Variants in TRDN observed in about 807,000 individuals in gnomAD.
TRDN encodes triadin.
Under a neutral mutation model 149.7 loss-of-function variants are expected in TRDN, and 161 were observed. The observed-to-expected ratio is 1.08, with a 90% CI of 0.95 to 1.23. TRDN has a LOEUF of 1.23. TRDN is among the 50% of genes most tolerant of loss of function. The probability of loss-of-function intolerance (pLI) is 0.00; values close to 1 mark genes in which losing one functional copy is unlikely to be tolerated. For synonymous variants in TRDN, 294 were observed against 250.5 expected (o/e 1.17, Z -1.64); for missense variants, 896 against 823.5 (o/e 1.09, Z -1.08).
At chr6:123,581,318 T>C (rs991475526) in intron 1 of TRDN, among the ~76,000 whole-genome samples, 1 of 152,212 alleles carries the variant, frequency 6.6e-6, no homozygotes, top group Admixed American at 6.5e-5. Flanking sequence ...TGTAATACCA[T>C]AGCATTTTTT....
At position 123,229,890 on chromosome 6, in the gene TRDN, G is replaced by T. The variant is rs77952237; in HGVS notation, c.1976-5759C>A. On this transcript the variant is annotated intron_variant, in intron 38 of 40. Coordinates refer to ENST00000334268, the MANE Select transcript of TRDN (RefSeq NM_006073.4). Reference sequence around the variant, plus strand: ...GAATTCGCAAATTTTATACTAAAATGCAGATTTCTCATTCTCAGCAAGCAA... The same window carrying T: ...GAATTCGCAAATTTTATACTAAAATTCAGATTTCTCATTCTCAGCAAGCAA... Among the ~76,000 whole-genome samples, 467 of 152,012 alleles carry T rather than the reference G, an allele frequency of 3.1e-3. 18 individuals carry two copies. The East Asian group carries it at 0.075, about 24-fold the overall frequency.
Position 123,350,298 on chromosome 6 carries a change from C to T in TRDN, c.1369+2241G>A, listed in dbSNP as rs1428252571. On this transcript the variant is annotated intron_variant, in intron 21 of 40. Coordinates refer to ENST00000334268, the MANE Select transcript of TRDN (RefSeq NM_006073.4). ...CTTAATTTTGAGATACTGGAATATC[C>T]ATAGTATTTAAGTCCAGAGATTCAA... 3.2e-6 allele frequency: 3 copies of T among 948,654 alleles called. No homozygotes were observed. In the African/African-American group the frequency reaches 5.3e-5, roughly 17 times the overall value. 58.8% of individuals were successfully genotyped at this position (948,654 alleles called of 1,614,324 possible). A position where few individuals can be genotyped will look rare whatever the true frequency, so the allele number is the denominator to read the frequency against.
chr6:123,351,156 T>C, intron 21 of TRDN: 1 of 984,532 alleles, frequency 1.0e-6, no homozygotes, highest in Non-Finnish European at 1.2e-6. Context: ...TAAAACTCAA[T>C]GAAATCAAAG....
intron 26 of TRDN, among the ~76,000 whole-genome samples, chr6:123,275,064 A>AAG (rs1307114468): frequency 6.6e-6 from 1 of 152,136 alleles, no homozygotes; most frequent in African/African-American, 2.4e-5. Context: ...TTTTAACAAC[A>AAG]AGAGTTGGAA....
At chr6:123,364,294 T>G (rs1464055139) in intron 20 of TRDN, among the ~76,000 whole-genome samples, 4 of 152,210 alleles carry the variant, frequency 2.6e-5, no homozygotes, top group African/African-American at 9.6e-5. Context: ...TTCTTAACTG[T>G]GTCTCAAGAC....
intron 24 of TRDN, among the ~76,000 whole-genome samples, chr6:123,281,801 C>A (rs1354290202): frequency 6.6e-6 from 1 of 152,046 alleles, no homozygotes; most frequent in Non-Finnish European, 1.5e-5. Context: ...AGTTAGTTGT[C>A]TACATGCCAT....
chr6:123,402,947 T>G (rs1365993457), intron 12 of TRDN, among the ~76,000 whole-genome samples: 5 of 152,232 alleles, frequency 3.3e-5, no homozygotes, highest in Admixed American at 6.5e-5. Flanking sequence ...TAACACATTT[T>G]AAGTTTGAAG....
intron 38 of TRDN, 81 bp from the exon 39 acceptor site, chr6:123,224,212 T>C: frequency 7.2e-7 from 1 of 1,381,846 alleles, no homozygotes; most frequent in South Asian, 1.2e-5. Context: ...TAAAGGTTTT[T>C]AAGAGTCACA....
At chr6:123,272,757 A>C (rs961798127) in intron 29 of TRDN, among the ~76,000 whole-genome samples, 1 of 151,940 alleles carries the variant, frequency 6.6e-6, no homozygotes, top group Admixed American at 6.6e-5. Context: ...GGAAGGGAAG[A>C]CTAGTTGTCT....
chr6:123,322,753 G>T (rs1779291787), intron 23 of TRDN, among the ~76,000 whole-genome samples: 1 of 151,640 alleles, frequency 6.6e-6, no homozygotes, highest in East Asian at 1.9e-4. Context: ...CCATTCTCCT[G>T]CCTCAGCCTC....
chr6:123,257,203 C>T (rs1776595999), intron 35 of TRDN, among the ~76,000 whole-genome samples: 2 of 152,078 alleles, frequency 1.3e-5, no homozygotes, highest in African/African-American at 4.8e-5. Flanking sequence ...TGGTCTCGAT[C>T]TCTTGACCTC....
chr6:123,566,084 A>G (rs1429453982), intron 2 of TRDN, among the ~76,000 whole-genome samples: 1 of 152,202 alleles, frequency 6.6e-6, no homozygotes. Flanking sequence ...GCTTTCAGCT[A>G]TTGTGTCAAA....
At chr6:123,266,288 A>T (rs186286622) in intron 32 of TRDN, among the ~76,000 whole-genome samples, 1,694 of 5,084 alleles carry the variant, frequency 0.33, 533 homozygotes, top group African/African-American at 0.68. Flanking sequence ...TATTATATGT[A>T]ATATGTATTA....
intron 10 of TRDN, among the ~76,000 whole-genome samples, chr6:123,452,082 T>C (rs2114657494): frequency 6.6e-6 from 1 of 152,234 alleles, no homozygotes; most frequent in African/African-American, 2.4e-5. Flanking sequence ...AAAATCAGCA[T>C]TCAAGGGACA....
Position 123,244,285 on chromosome 6 carries a change from T to C in TRDN, c.1975+8127A>G, listed in dbSNP as rs146304567. On this transcript the variant is annotated intron_variant, in intron 38 of 40. Coordinates refer to ENST00000334268, the MANE Select transcript of TRDN (RefSeq NM_006073.4). ...GAAGTAGGCTTCAGAAGGTGGGTAA[T>C]AACAAACTCTTCCAAGCTAAAGGAG... Among the ~76,000 whole-genome samples the C allele has an allele frequency of 3.4e-3, 512 of 152,066 alleles. 1 individual carries two copies. Among genetic ancestry groups the C allele is most frequent in the Non-Finnish European group, 4.2e-3 (288 of 67,980 alleles).
chr6:123,529,539 A>C, intron 5 of TRDN: 1 of 580,512 alleles, frequency 1.7e-6, no homozygotes, highest in Non-Finnish European at 3.1e-6. Context: ...CAGCAACAAC[A>C]TGGCATTGTA....
intron 40 of TRDN, among the ~76,000 whole-genome samples, chr6:123,220,614 A>G (rs1185256144): frequency 1.3e-5 from 2 of 151,788 alleles, no homozygotes; most frequent in African/African-American, 4.8e-5. Flanking sequence ...GCATCCAAAG[A>G]AGTACTTGGA....
chr6:123,403,140 T>G (rs1773050234), intron 12 of TRDN, among the ~76,000 whole-genome samples: 1 of 152,144 alleles, frequency 6.6e-6, no homozygotes, highest in African/African-American at 2.4e-5. Flanking sequence ...AAGAAATATA[T>G]TAGTTAATAA....
intron 5 of TRDN, among the ~76,000 whole-genome samples, chr6:123,520,448 T>C (rs903120351): frequency 2.6e-5 from 4 of 152,130 alleles, no homozygotes; most frequent in Non-Finnish European, 5.9e-5. Context: ...GCCATGTCTG[T>C]TCCAGGTTCT....
Sources: allele counts gnomAD v4.1 joint callset (sites outside exome capture counted in the v4.1 genomes callset), GRCh38; gene constraint gnomAD v4.1.1; transcripts MANE v1.5; gene names NCBI Gene and HGNC (gene_info 2026-07-23, HGNC 2026-07-21).